Variants in LRP1B observed in about 807,000 individuals in gnomAD.
LRP1B encodes LDL receptor related protein 1B, also known as low-density lipoprotein receptor-related protein 1B.
In LRP1B, 217 loss-of-function variants were observed where a neutral mutation model predicts 556.6. The observed-to-expected ratio is 0.39, with a 90% CI of 0.35 to 0.44. LRP1B has a LOEUF of 0.44. Ranked by LOEUF, LRP1B falls within the 20% of genes least tolerant of loss-of-function variation. LRP1B has a pLI of 1.00. For synonymous variants in LRP1B, 2,047 were observed against 1,865.8 expected (o/e 1.10, Z -2.50); for missense variants, 5,053 against 5,620.8 (o/e 0.90, Z 3.23).
intron 41 of LRP1B, among the ~76,000 whole-genome samples, chr2:140,674,396 T>C (rs1248657680): frequency 6.6e-6 from 1 of 152,194 alleles, no homozygotes. Flanking sequence ...TTGCTATCTA[T>C]TATCTCTAAG....
At chr2:141,549,528 C>T (rs2105227096) in intron 2 of LRP1B, among the ~76,000 whole-genome samples, 1 of 152,266 alleles carries the variant, frequency 6.6e-6, no homozygotes, top group Middle Eastern at 3.4e-3. Flanking sequence ...TAGTTACTTC[C>T]TCAGCCTTAG....
intron 2 of LRP1B, among the ~76,000 whole-genome samples, chr2:141,800,126 C>A (rs1360328245): frequency 6.6e-6 from 1 of 152,174 alleles, no homozygotes; most frequent in African/African-American, 2.4e-5. Flanking sequence ...CAATTAAAAT[C>A]TGTTGTGTCT....
chr2:141,579,402 A>G (rs1188821028), intron 2 of LRP1B, among the ~76,000 whole-genome samples: 6 of 152,206 alleles, frequency 3.9e-5, no homozygotes, highest in Admixed American at 2.0e-4. Flanking sequence ...TAAATATTTA[A>G]AAAGAAGATC....
At chr2:141,653,013 A>G (rs1689857838) in intron 2 of LRP1B, among the ~76,000 whole-genome samples, 1 of 152,118 alleles carries the variant, frequency 6.6e-6, no homozygotes, top group African/African-American at 2.4e-5. Context: ...TTTAATTTTC[A>G]TAATACTTTA....
chr2:141,342,252 A>T (rs1246181075), intron 3 of LRP1B, among the ~76,000 whole-genome samples: 20 of 130,210 alleles, frequency 1.5e-4, no homozygotes, highest in South Asian at 2.3e-4. Context: ...TCAAAAAAAA[A>T]AAAAATAAAA....
At chr2:141,685,392 G>C (rs1157526120) in intron 2 of LRP1B, among the ~76,000 whole-genome samples, 1 of 151,960 alleles carries the variant, frequency 6.6e-6, no homozygotes, top group Non-Finnish European at 1.5e-5. Context: ...TGAGATTTTT[G>C]CAAATGTTGG....
intron 1 of LRP1B, among the ~76,000 whole-genome samples, chr2:142,105,377 CAAT>C (rs987830614): frequency 6.6e-6 from 1 of 152,142 alleles, no homozygotes; most frequent in African/African-American, 2.4e-5. Flanking sequence ...GCTTTAACAA[CAAT>C]GATGTGTCAT....
intron 1 of LRP1B, among the ~76,000 whole-genome samples, chr2:142,073,437 T>G (rs1012281019): frequency 6.6e-6 from 1 of 152,038 alleles, no homozygotes; most frequent in Admixed American, 6.6e-5. Flanking sequence ...TTGTTCACAT[T>G]TATTAGTTCA....
chr2:141,206,999 T>G (rs1573650921), intron 6 of LRP1B, among the ~76,000 whole-genome samples: 1 of 152,268 alleles, frequency 6.6e-6, no homozygotes, highest in East Asian at 1.9e-4. Flanking sequence ...GGTGCACAAT[T>G]TCAAGTTTCC....
intron 2 of LRP1B, among the ~76,000 whole-genome samples, chr2:141,584,423 C>T (rs547003457): frequency 3.3e-5 from 5 of 152,148 alleles, no homozygotes; most frequent in South Asian, 2.1e-4. Flanking sequence ...AAAGGACCAA[C>T]GATGTTAAGA....
intron 2 of LRP1B, among the ~76,000 whole-genome samples, chr2:141,544,796 G>C (rs2105219531): frequency 6.6e-6 from 1 of 152,100 alleles, no homozygotes; most frequent in African/African-American, 2.4e-5. Context: ...CTCCAGGGTA[G>C]CTGGGACTAC....
chr2:141,296,922 T>C (rs1686202471), intron 3 of LRP1B, among the ~76,000 whole-genome samples: 2 of 152,164 alleles, frequency 1.3e-5, no homozygotes, highest in Non-Finnish European at 1.5e-5. Flanking sequence ...CTGTACCCAA[T>C]TGTTAGCTCC....
intron 32 of LRP1B, among the ~76,000 whole-genome samples, chr2:140,800,403 A>C (rs183998282): frequency 1.3e-5 from 2 of 152,014 alleles, no homozygotes; most frequent in Non-Finnish European, 2.9e-5. Flanking sequence ...TATAATAATT[A>C]AAAAAAAGTT....
chr2:141,822,158 T>C (rs866594450), intron 1 of LRP1B, among the ~76,000 whole-genome samples: 1 of 72,864 alleles, frequency 1.4e-5, no homozygotes, highest in Admixed American at 1.4e-4. Context: ...GAGAGAGAGA[T>C]AATAGTAAAA....
intron 7 of LRP1B, among the ~76,000 whole-genome samples, chr2:141,111,975 G>A (rs939233946): frequency 1.3e-5 from 2 of 151,776 alleles, no homozygotes; most frequent in Non-Finnish European, 2.9e-5. Context: ...GAACTCGGGA[G>A]GCAGAGCTTG....
At chr2:140,334,961 C>T (rs16843797) in intron 78 of LRP1B, among the ~76,000 whole-genome samples, 2,661 of 151,978 alleles carry the variant, frequency 0.018, 86 homozygotes, top group African/African-American at 0.062. Flanking sequence ...AGAGAAGTAA[C>T]TATTTTCCCA....
chr2:141,389,492 C>T (rs536751778), intron 3 of LRP1B, among the ~76,000 whole-genome samples: 4 of 152,100 alleles, frequency 2.6e-5, no homozygotes, highest in African/African-American at 9.6e-5. Context: ...AAGAGTTAAA[C>T]ATAGGGAGAG....
intron 9 of LRP1B, among the ~76,000 whole-genome samples, chr2:141,057,833 T>C (rs375725136): frequency 1.3e-5 from 2 of 151,822 alleles, no homozygotes; most frequent in Non-Finnish European, 1.5e-5. Context: ...TTCAAATACC[T>C]CAAGTCATTA....
At chr2:140,556,602 C>T (rs1327219050) in intron 43 of LRP1B, among the ~76,000 whole-genome samples, 4 of 152,030 alleles carry the variant, frequency 2.6e-5, no homozygotes, top group Non-Finnish European at 5.9e-5. Context: ...TCTCTTGTTA[C>T]TGTGTCTTTT....
Sources: allele counts gnomAD v4.1 joint callset (sites outside exome capture counted in the v4.1 genomes callset), GRCh38; gene constraint gnomAD v4.1.1; transcripts MANE v1.5; gene names NCBI Gene and HGNC (gene_info 2026-07-23, HGNC 2026-07-21).